The following HIVEP2 variants were observed in gnomAD, a reference collection of about 807,000 sequenced individuals.
HIVEP2 encodes the protein transcription factor HIVEP2.
A neutral mutation model predicts 180.7 loss-of-function variants in HIVEP2; 14 were observed. That is an observed-to-expected ratio of 0.08 (90% CI 0.05 to 0.12). The LOEUF (loss-of-function observed/expected upper bound fraction) is 0.12. HIVEP2 is among the 10% of genes least tolerant of loss of function. The pLI, the probability that HIVEP2 is intolerant of heterozygous loss-of-function variation, is 1.00. For synonymous variants in HIVEP2, 1,184 were observed against 1,136.4 expected, an observed-to-expected ratio of 1.04 and a Z score of -0.84; for missense variants, 2,579 against 3,008.5, an observed-to-expected ratio of 0.86 and a Z score of 3.34.
intron 9 of HIVEP2, among the ~76,000 whole-genome samples, chr6:142,754,708 C>T (rs1775019686): frequency 6.6e-6 from 1 of 152,170 alleles, no homozygotes; most frequent in African/African-American, 2.4e-5. Context: ...ATACTGTGAA[C>T]CAAAGATGAC....
At chr6:142,890,427 T>C (rs1266270336) in intron 1 of HIVEP2, among the ~76,000 whole-genome samples, 1 of 152,212 alleles carries the variant, frequency 6.6e-6, no homozygotes, top group Non-Finnish European at 1.5e-5. Context: ...TCATTGAAGG[T>C]AGAAACGATC....
Position 142,759,923 on chromosome 6 carries a change from T to A in HIVEP2, c.6365A>T (p.Asp2122Val). 1 of 1,614,140 alleles carries A rather than the reference T, an allele frequency of 6.2e-7. No individual in the cohort carries two copies. The highest frequency in any genetic ancestry group is 8.5e-7 in the Non-Finnish European group (1 of 1,180,010). Reference sequence around the variant, plus strand: ...AGAGAGGTCTCTTCTTGCTGTGATATCTTTCCCAGGAGACACTGGCCTCCT... The same window carrying A: ...AGAGAGGTCTCTTCTTGCTGTGATAACTTTCCCAGGAGACACTGGCCTCCT... ...SPRRPVSPGK[D>V]ITARRDLSPR... The change falls in exon 9 of 10, where the codon GAT (aspartate) becomes GTT (valine). Residue 2122 changes from aspartate (D) to valine (V), a missense_variant. Transcript: ENST00000367603.
At chr6:142,853,463 G>T (rs1775742200) in intron 1 of HIVEP2, among the ~76,000 whole-genome samples, 1 of 152,162 alleles carries the variant, frequency 6.6e-6, no homozygotes, top group South Asian at 2.1e-4. Context: ...TTGAAATTTG[G>T]AATGTGTTTC....
intron 1 of HIVEP2, among the ~76,000 whole-genome samples, chr6:142,937,719 C>T (rs1210692662): frequency 6.6e-6 from 1 of 152,160 alleles, no homozygotes; most frequent in African/African-American, 2.4e-5. Flanking sequence ...AAAGCATTTT[C>T]GGAGCCAAAG....
At chr6:142,754,047 C>T (rs1285107618) in intron 9 of HIVEP2, 116 bp from the exon 10 acceptor site, 1 of 579,054 alleles carries the variant, frequency 1.7e-6, no homozygotes, top group African/African-American at 1.9e-5. Context: ...AGAGAGGCTT[C>T]AATACCTAAT....
intron 1 of HIVEP2, among the ~76,000 whole-genome samples, chr6:142,894,998 T>G (rs921283130): frequency 4.6e-5 from 7 of 152,208 alleles, no homozygotes; most frequent in African/African-American, 1.7e-4. Context: ...GGAGAAAAAT[T>G]AAGTAAACCA....
chr6:142,930,892 G>A (rs1181409298), intron 1 of HIVEP2, among the ~76,000 whole-genome samples: 1 of 152,094 alleles, frequency 6.6e-6, no homozygotes, highest in Non-Finnish European at 1.5e-5. Context: ...AAAGTCCTCT[G>A]TACTTCTCCA....
intron 2 of HIVEP2, among the ~76,000 whole-genome samples, chr6:142,810,784 AAAAG>A (rs1776678017): frequency 6.6e-6 from 1 of 151,798 alleles, no homozygotes; most frequent in African/African-American, 2.4e-5. Flanking sequence ...AAAAAACAAA[AAAAG>A]AAAGAAAGAA....
At chr6:142,846,995 A>G (rs1289037005) in intron 1 of HIVEP2, among the ~76,000 whole-genome samples, 2 of 152,184 alleles carry the variant, frequency 1.3e-5, no homozygotes, top group East Asian at 3.9e-4. Flanking sequence ...GCCATGCTGT[A>G]AACATGCTCA....
At chr6:142,936,930 A>C (rs1355926360) in intron 1 of HIVEP2, among the ~76,000 whole-genome samples, 1 of 152,074 alleles carries the variant, frequency 6.6e-6, no homozygotes, top group Non-Finnish European at 1.5e-5. Context: ...TGAATTAATA[A>C]ATTTTTTTAG....
rs572747988 is a variant in HIVEP2 at position 142,866,859 on chromosome 6, C to A, written c.-640-29812G>T. On this transcript the variant is annotated intron_variant, in intron 1 of 9. Transcript: ENST00000367603. ...TTACCCCTTTCTAACTGCTAAAATA[C>A]AATTTCCCTTTGCCATTAACTATCT... Among the ~76,000 whole-genome samples, 15 of 152,192 alleles carry A rather than the reference C, an allele frequency of 9.9e-5. No homozygotes were observed. In the East Asian group the frequency reaches 2.9e-3, roughly 29 times the overall value.
chr6:142,816,227 C>T (rs1303541394), intron 2 of HIVEP2, among the ~76,000 whole-genome samples: 4 of 152,100 alleles, frequency 2.6e-5, no homozygotes, highest in African/African-American at 9.7e-5. Context: ...ACAAGGCTTT[C>T]CAGGAGGTGG....
intron 1 of HIVEP2, among the ~76,000 whole-genome samples, chr6:142,874,397 T>C (rs1776373457): frequency 6.6e-6 from 1 of 152,200 alleles, no homozygotes; most frequent in Admixed American, 6.6e-5. Context: ...TTAAAAAATC[T>C]ATTTTTATCC....
intron 1 of HIVEP2, among the ~76,000 whole-genome samples, chr6:142,926,802 G>A (rs1777822962): frequency 6.6e-6 from 1 of 151,438 alleles, no homozygotes; most frequent in Non-Finnish European, 1.5e-5. Flanking sequence ...CTGGGCCCGC[G>A]GCCGAGAAAC....
intron 2 of HIVEP2, among the ~76,000 whole-genome samples, chr6:142,818,956 A>G (rs111574947): frequency 0.051 from 7,531 of 147,530 alleles, 221 homozygotes; most frequent in Middle Eastern, 0.075. Flanking sequence ...AGGGAAATAT[A>G]GCAAGAACCT....
chr6:142,838,046 A>G (rs1775269416), intron 1 of HIVEP2, among the ~76,000 whole-genome samples: 1 of 152,238 alleles, frequency 6.6e-6, no homozygotes, highest in Non-Finnish European at 1.5e-5. Context: ...CAAACCCACT[A>G]ACCACATTAA....
In HIVEP2 at chr6:142,890,153, A is replaced by G. The variant is rs116565299; in HGVS notation, c.-640-53106T>C. 6.4e-3 allele frequency among the ~76,000 whole-genome samples: 975 copies of G among 152,272 alleles called. 7 individuals are homozygous for G. The highest frequency in any genetic ancestry group is 0.022 in the African/African-American group (928 of 41,536). On this transcript the variant is annotated intron_variant, in intron 1 of 9. Coordinates refer to ENST00000367603, the MANE Select transcript of HIVEP2 (RefSeq NM_006734.4). ...GCTCTGTTAAAGAAATCAGACCTAA[A>G]TGCCTATATTTTTCACTCCCTTTGC... is the stretch of plus-strand genomic sequence containing the variant.
chr6:142,794,516 G>T (rs1776235493), intron 2 of HIVEP2, among the ~76,000 whole-genome samples: 1 of 152,042 alleles, frequency 6.6e-6, no homozygotes, highest in South Asian at 2.1e-4. Flanking sequence ...TAACAGAAAA[G>T]GTACATATAA....
intron 1 of HIVEP2, among the ~76,000 whole-genome samples, chr6:142,901,827 A>G (rs990574972): frequency 1.6e-4 from 25 of 152,302 alleles, no homozygotes; most frequent in Admixed American, 1.3e-3. Context: ...TCTTAACCAG[A>G]ACAGCAAAAC....
Sources: gnomAD v4.1 joint callset for allele counts (sites outside exome capture counted in the v4.1 genomes callset) on GRCh38, gnomAD v4.1.1 for gene constraint, MANE v1.5 for transcripts, NCBI Gene and HGNC (gene_info 2026-07-23, HGNC 2026-07-21) for gene names.